Variants in DTNB observed in about 807,000 individuals in gnomAD.
DTNB encodes the protein DTN-B.
DTNB carries 63 observed loss-of-function variants against 90.7 expected under a neutral mutation model. The ratio of observed to expected loss-of-function variants is 0.69; its 90% CI spans 0.57 to 0.86. The LOEUF is 0.86. DTNB is among the 40% of genes least tolerant of loss of function. The pLI, the probability that DTNB is intolerant of heterozygous loss-of-function variation, is 0.00. For missense variants in DTNB, 744 were observed against 807.1 expected, an observed-to-expected ratio of 0.92 and a Z score of 0.95; for synonymous variants, 277 against 286.7, an observed-to-expected ratio of 0.97 and a Z score of 0.34.
At chr2:25,540,359 T>C (rs966261956) in intron 8 of DTNB, among the ~76,000 whole-genome samples, 1 of 152,260 alleles carries the variant, frequency 6.6e-6, no homozygotes, top group Non-Finnish European at 1.5e-5. Context: ...AGGATTTATA[T>C]GTCTGTTCTT....
At chr2:25,549,552 G>C (rs2083155760) in intron 8 of DTNB, among the ~76,000 whole-genome samples, 1 of 151,982 alleles carries the variant, frequency 6.6e-6, no homozygotes, top group South Asian at 2.1e-4. Flanking sequence ...AAAATTCCTT[G>C]TTGCTAACTT....
chr2:25,666,707 G>A (rs945938370), intron 1 of DTNB, among the ~76,000 whole-genome samples: 6 of 152,076 alleles, frequency 3.9e-5, no homozygotes, highest in South Asian at 2.1e-4. Flanking sequence ...TGGAGAAACA[G>A]AATAGATACA....
chr2:25,410,171 CCA>C (rs2046241281), intron 16 of DTNB, among the ~76,000 whole-genome samples: 1 of 152,130 alleles, frequency 6.6e-6, no homozygotes, highest in African/African-American at 2.4e-5. Flanking sequence ...AAGAATTTCT[CCA>C]GTTGGCTGAG....
At chr2:25,400,685 T>C (rs547577930) in intron 16 of DTNB, among the ~76,000 whole-genome samples, 3 of 152,286 alleles carry the variant, frequency 2.0e-5, no homozygotes, top group Admixed American at 2.0e-4. Flanking sequence ...CTACTCAGTG[T>C]TTTAAGGTTT....
chr2:25,589,370 T>C (rs1352719356), intron 6 of DTNB, among the ~76,000 whole-genome samples: 12 of 73,706 alleles, frequency 1.6e-4, no homozygotes, highest in Non-Finnish European at 2.8e-4. Flanking sequence ...TTCTTTTCTT[T>C]TTTTTTTTTT....
chr2:25,377,823 G>A (rs1213958252), intron 20 of DTNB, among the ~76,000 whole-genome samples: 1 of 152,192 alleles, frequency 6.6e-6, no homozygotes, highest in East Asian at 1.9e-4. Flanking sequence ...CAGGAGAAGG[G>A]CAGGGAGGAC....
intron 1 of DTNB, among the ~76,000 whole-genome samples, chr2:25,666,999 C>T (rs1322087089): frequency 2.0e-5 from 3 of 152,086 alleles, no homozygotes; most frequent in South Asian, 2.1e-4. Context: ...ATGAGAGGAT[C>T]GAAAATAGCC....
At chr2:25,531,326 A>T in intron 9 of DTNB, 147 bp downstream of exon 9, 4 of 1,282,690 alleles carry the variant, frequency 3.1e-6, no homozygotes, top group Non-Finnish European at 4.2e-6. Context: ...CAGAGAAGAA[A>T]GCTTGAAGTC....
At chr2:25,470,551 A>C (rs1275529441) in intron 10 of DTNB, among the ~76,000 whole-genome samples, 2 of 151,562 alleles carry the variant, frequency 1.3e-5, no homozygotes, top group African/African-American at 2.4e-5. Context: ...AATTTTTTGT[A>C]TTTTTAGTAG....
At chr2:25,659,046 A>G (rs1165151222) in intron 1 of DTNB, among the ~76,000 whole-genome samples, 1 of 152,120 alleles carries the variant, frequency 6.6e-6, no homozygotes, top group Non-Finnish European at 1.5e-5. Flanking sequence ...TACAGGAGTG[A>G]GCCACCACAC....
chr2:25,630,663 G>A (rs1238087805), intron 3 of DTNB, among the ~76,000 whole-genome samples: 1 of 151,956 alleles, frequency 6.6e-6, no homozygotes, highest in East Asian at 1.9e-4. Context: ...TGGCCAACAT[G>A]GAGAAACCCC....
chr2:25,535,509 G>A lies in DTNB; in HGVS notation c.877-3912C>T, dbSNP rs2079357505. On this transcript the variant is annotated intron_variant, in intron 8 of 20. Transcript: ENST00000406818. ...CTCCCAGACAGGGTTGCTGGGCAGA[G>A]GCGCTCTTCACTTCCCAGACGGGGC... Among the ~76,000 whole-genome samples the A allele has an allele frequency of 2.7e-5, 4 of 147,170 alleles. No homozygotes were observed. The South Asian group carries it at 8.7e-4, about 32-fold the overall frequency.
chr2:25,587,569 G>A (rs2062690513), intron 6 of DTNB, among the ~76,000 whole-genome samples: 1 of 152,160 alleles, frequency 6.6e-6, no homozygotes, highest in Non-Finnish European at 1.5e-5. Flanking sequence ...TTCAGCTCAT[G>A]AATCATCAGT....
intron 9 of DTNB, among the ~76,000 whole-genome samples, chr2:25,505,617 G>A (rs573817715): frequency 4.6e-5 from 7 of 151,676 alleles, no homozygotes; most frequent in African/African-American, 1.5e-4. Flanking sequence ...TTATATTTGG[G>A]GTTTGCTTGC....
intron 12 of DTNB, among the ~76,000 whole-genome samples, chr2:25,447,761 G>A (rs1446043415): frequency 4.0e-5 from 6 of 151,782 alleles, no homozygotes; most frequent in African/African-American, 7.3e-5. Flanking sequence ...CACCCACCTC[G>A]GCCTCCCAAA....
chr2:25,486,388 C>T (rs2066146858), intron 9 of DTNB, among the ~76,000 whole-genome samples: 1 of 152,056 alleles, frequency 6.6e-6, no homozygotes, highest in Non-Finnish European at 1.5e-5. Context: ...CACCTGAGCA[C>T]AGGGAGGTTG....
intron 9 of DTNB, among the ~76,000 whole-genome samples, chr2:25,522,701 C>CT (rs201567111): frequency 1.7e-3 from 224 of 133,462 alleles, no homozygotes; most frequent in Middle Eastern, 0.011. Flanking sequence ...AAACTGAGGT[C>CT]TTTTTTTTTT....
chr2:25,461,092 T>C (rs571212866), intron 10 of DTNB, among the ~76,000 whole-genome samples: 231 of 152,188 alleles, frequency 1.5e-3, no homozygotes, highest in Admixed American at 2.5e-3. Context: ...TTAGTAGAGA[T>C]GGGGTTTTGC....
intron 2 of DTNB, among the ~76,000 whole-genome samples, chr2:25,642,741 G>C (rs2078616053): frequency 6.6e-6 from 1 of 151,844 alleles, no homozygotes; most frequent in African/African-American, 2.4e-5. Flanking sequence ...AAGTGCCCCA[G>C]TAGAGTGTTT....
Sources: gnomAD v4.1 joint callset for allele counts (sites outside exome capture counted in the v4.1 genomes callset) on GRCh38, gnomAD v4.1.1 for gene constraint, MANE v1.5 for transcripts, NCBI Gene and HGNC (gene_info 2026-07-23, HGNC 2026-07-21) for gene names.